OR2L13: variants seen among roughly 807,000 people sequenced by gnomAD.
OR2L13 encodes olfactory receptor family 2 subfamily L member 13, also known as olfactory receptor 2L13.
In OR2L13, 14 loss-of-function variants were observed where a neutral mutation model predicts 15.3. That is an observed-to-expected ratio of 0.91 (90% confidence interval 0.60 to 1.43). The LOEUF is 1.43. OR2L13 is among the 40% of genes most tolerant of loss of function. The pLI is 0.00. For missense variants in OR2L13, 367 were observed against 387.9 expected, an observed-to-expected ratio of 0.95 and a Z score of 0.45; for synonymous variants, 152 against 142.9, an observed-to-expected ratio of 1.06 and a Z score of -0.45.
At chr1:248,023,037 C>A in the OR2L13 span, 1 of 689,684 alleles carries the variant, frequency 1.4e-6, no homozygotes, top group Non-Finnish European at 2.3e-6. Context: ...ATTATAGTTG[C>A]ATATTCTAAG....
At chr1:247,956,597 C>G in the OR2L13 span, among the ~76,000 whole-genome samples, 11,954 of 150,094 alleles carry the variant, frequency 0.08, 648 homozygotes, top group Non-Finnish European at 0.12. Flanking sequence ...TCTTCCATTT[C>G]TTTGTATCCT....
At chr1:247,958,797 A>G in the OR2L13 span, among the ~76,000 whole-genome samples, 88 of 151,738 alleles carry the variant, frequency 5.8e-4, no homozygotes, top group Non-Finnish European at 1.1e-3. Flanking sequence ...TTTGCTTGGT[A>G]GATCTTCCTC....
At chr1:248,033,595 C>G in the OR2L13 span, among the ~76,000 whole-genome samples, 3 of 113,632 alleles carry the variant, frequency 2.6e-5, no homozygotes, top group Non-Finnish European at 5.4e-5. Flanking sequence ...AGCCACCACA[C>G]CTGGCTAATT....
the OR2L13 span, chr1:248,087,403 T>A: frequency 6.6e-6 from 1 of 152,212 alleles, no homozygotes; most frequent in South Asian, 2.1e-4. Context: ...AAAATTCATA[T>A]ATAAAATGCT....
chr1:248,059,113 A>G, the OR2L13 span, among the ~76,000 whole-genome samples: 1 of 152,064 alleles, frequency 6.6e-6, no homozygotes, highest in Non-Finnish European at 1.5e-5. Flanking sequence ...TTATAATCTC[A>G]GTGTATTTAT....
At chr1:248,003,658 C>A in the OR2L13 span, 1 of 1,612,180 alleles carries the variant, frequency 6.2e-7, no homozygotes, top group Non-Finnish European at 8.5e-7. Flanking sequence ...TCAATCATTT[C>A]TTCTGTGATG....
the OR2L13 span, among the ~76,000 whole-genome samples, chr1:247,944,492 G>T: frequency 6.6e-6 from 1 of 151,940 alleles, no homozygotes; most frequent in Non-Finnish European, 1.5e-5. Context: ...CAGTAAGTGT[G>T]GTTCTTCTCC....
chr1:247,961,417 A>G, the OR2L13 span, among the ~76,000 whole-genome samples: 1 of 152,192 alleles, frequency 6.6e-6, no homozygotes, highest in Non-Finnish European at 1.5e-5. Flanking sequence ...TGAGGCAGAT[A>G]GATGAGAAAG....
chr1:248,018,984 T>C, the OR2L13 span, among the ~76,000 whole-genome samples: 1 of 152,206 alleles, frequency 6.6e-6, no homozygotes, highest in Middle Eastern at 3.2e-3. Flanking sequence ...ATTTATTTCA[T>C]GATTAAAATG....
At chr1:248,024,309 A>G in the OR2L13 span, 2 of 152,230 alleles carry the variant, frequency 1.3e-5, no homozygotes, top group Non-Finnish European at 2.9e-5. Context: ...TTATGTGTTT[A>G]AAATGCTATT....
chr1:248,043,009 G>A, the OR2L13 span, among the ~76,000 whole-genome samples: 1 of 152,176 alleles, frequency 6.6e-6, no homozygotes, highest in Admixed American at 6.5e-5. Context: ...CTGCCACCAT[G>A]AGCAGTTTCC....
the OR2L13 span, among the ~76,000 whole-genome samples, chr1:248,034,595 C>T: frequency 6.6e-6 from 1 of 152,112 alleles, no homozygotes; most frequent in African/African-American, 2.4e-5. Context: ...TTAAGCCTTC[C>T]AGTCTATAAA....
chr1:247,995,205 A>C, the OR2L13 span, among the ~76,000 whole-genome samples: 1 of 152,160 alleles, frequency 6.6e-6, no homozygotes, highest in Admixed American at 6.5e-5. Context: ...AACATCAGGT[A>C]TCATCTACAC....
the OR2L13 span, among the ~76,000 whole-genome samples, chr1:248,087,893 G>A: frequency 6.6e-6 from 1 of 152,074 alleles, no homozygotes; most frequent in African/African-American, 2.4e-5. Context: ...GATAATCCTT[G>A]AATATATGTG....
chr1:247,968,679 C>CT, the OR2L13 span, among the ~76,000 whole-genome samples: 1 of 152,036 alleles, frequency 6.6e-6, no homozygotes, highest in South Asian at 2.1e-4. Context: ...TGAACGCATC[C>CT]TTTTTTATGG....
At chr1:248,036,700 A>G in the OR2L13 span, among the ~76,000 whole-genome samples, 26 of 152,172 alleles carry the variant, frequency 1.7e-4, 1 homozygote, top group Admixed American at 1.6e-3. Context: ...GATGTCTTCT[A>G]TCTGGAGAAG....
the OR2L13 span, chr1:248,062,183 G>A: frequency 2.0e-5 from 3 of 152,414 alleles, no homozygotes; most frequent in Non-Finnish European, 4.4e-5. Flanking sequence ...CACTCTGGAT[G>A]GCCTATGACA....
the OR2L13 span, among the ~76,000 whole-genome samples, chr1:247,981,817 ATTTT>A: frequency 7.0e-6 from 1 of 143,254 alleles, no homozygotes; most frequent in Non-Finnish European, 1.5e-5. Context: ...CATAATAACA[ATTTT>A]TTTTTTTTTT....
chr1:248,087,334 G>A, the OR2L13 span, among the ~76,000 whole-genome samples: 1 of 152,124 alleles, frequency 6.6e-6, no homozygotes, highest in Non-Finnish European at 1.5e-5. Context: ...TGGATGACAG[G>A]ACAACATTTA....
Sources: allele counts gnomAD v4.1 joint callset (sites outside exome capture counted in the v4.1 genomes callset), GRCh38; gene constraint gnomAD v4.1.1; transcripts MANE v1.5; gene names NCBI Gene and HGNC (gene_info 2026-07-23, HGNC 2026-07-21).